The following MAP3K21 variants were observed in gnomAD, a reference collection of about 807,000 sequenced individuals.
The protein encoded by MAP3K21 is mitogen-activated protein kinase kinase kinase 21.
In MAP3K21, 63 loss-of-function variants were observed where a neutral mutation model predicts 86.1. That is an observed-to-expected ratio of 0.73 (90% CI 0.60 to 0.90). The LOEUF is 0.90. Ranked by LOEUF, MAP3K21 falls within the 40% of genes least tolerant of loss-of-function variation. The pLI is 0.00. For synonymous variants in MAP3K21, 558 were observed against 564.8 expected (o/e 0.99, Z 0.17); for missense variants, 1,220 against 1,367.7 (o/e 0.89, Z 1.70).
rs534880004 is a variant in MAP3K21 at position 233,381,044 on chromosome 1, G to A, written c.2705-1261G>A. Reference sequence around the variant, plus strand: ...ATATGGGTACTTTGGAAGAATGGGGGATTTTGAGTCATAGAACAAAGGTTC... The same window carrying A: ...ATATGGGTACTTTGGAAGAATGGGGAATTTTGAGTCATAGAACAAAGGTTC... On this transcript the variant is annotated intron_variant, in intron 9 of 9. Coordinates refer to ENST00000366624, the MANE Select transcript of MAP3K21 (RefSeq NM_032435.3). Among the ~76,000 whole-genome samples the A allele has an allele frequency of 3.2e-4, 48 of 152,290 alleles. 1 individual carries two copies. The highest frequency in any genetic ancestry group is 6.0e-4 in the Non-Finnish European group (41 of 68,026).
chr1:233,333,031 C>T (rs1276853706), intron 1 of MAP3K21, among the ~76,000 whole-genome samples: 1 of 151,854 alleles, frequency 6.6e-6, no homozygotes, highest in Non-Finnish European at 1.5e-5. Context: ...TATGAAATGC[C>T]ATTTGGAGCT....
At chr1:233,349,948 A>G (rs1038404063) in intron 2 of MAP3K21, among the ~76,000 whole-genome samples, 7 of 152,032 alleles carry the variant, frequency 4.6e-5, no homozygotes, top group Non-Finnish European at 8.8e-5. Flanking sequence ...AAAAGAAAAA[A>G]AAAAAGGCGA....
intron 6 of MAP3K21, chr1:233,372,574 T>A (rs983719898): frequency 5.3e-6 from 1 of 188,600 alleles, no homozygotes; most frequent in African/African-American, 2.3e-5. Context: ...AAATTTTTGC[T>A]TTTCAGGATT....
At chr1:233,369,471 G>A (rs1465613307) in intron 5 of MAP3K21, among the ~76,000 whole-genome samples, 1 of 152,150 alleles carries the variant, frequency 6.6e-6, no homozygotes, top group Admixed American at 6.5e-5. Flanking sequence ...AATAGGCTGA[G>A]AGCACATGTG....
intron 5 of MAP3K21, among the ~76,000 whole-genome samples, chr1:233,365,107 A>C (rs1243801799): frequency 3.9e-5 from 6 of 152,180 alleles, no homozygotes; most frequent in African/African-American, 1.4e-4. Context: ...GAAAGCAAGC[A>C]TGTGTAACTT....
chr1:233,376,498 C>T lies in MAP3K21; in HGVS notation c.1895C>T (p.Pro632Leu), dbSNP rs745749354. Residue 632 changes from proline to leucine, a missense_variant, in exon 8 of 10, where the codon CCC (proline) becomes CTC (leucine). Pro to Leu is a moderately conservative substitution (Grantham distance 98). Coordinates refer to ENST00000366624, the MANE Select transcript of MAP3K21 (RefSeq NM_032435.3). ...TTAATAAAAAATCAGAAAACCATGC[C>T]CTTGGCTTCATTGTTTGTGGACCAG... ...TILIKNQKTM[P>L]LASLFVDQPG... 8.7e-6 allele frequency: 14 copies of T among 1,613,614 alleles called. No homozygotes were observed. The highest frequency in any genetic ancestry group is 1.7e-5 in the Admixed American group (1 of 59,948).
chr1:233,378,405 G>A lies in MAP3K21; in HGVS notation c.1925-526G>A, dbSNP rs1204212111. Among the ~76,000 whole-genome samples, 5 of 152,246 alleles carry A rather than the reference G, an allele frequency of 3.3e-5. No homozygotes were observed. In the East Asian group the frequency reaches 9.7e-4, roughly 29 times the overall value. The stretch of plus-strand genomic sequence containing the variant: ...CAGAATTTCTGATTCCATAGTCTGG[G>A]GTGGGCCAATAATTTACATTTCTAC... On this transcript the variant is annotated intron_variant, in intron 8 of 9. Transcript: ENST00000366624.
chr1:233,339,262 T>C (rs866454489), intron 1 of MAP3K21, among the ~76,000 whole-genome samples: 62 of 33,320 alleles, frequency 1.9e-3, no homozygotes, highest in African/African-American at 4.0e-3. Flanking sequence ...CTTCTTCTTC[T>C]TCTTCCTCTT....
At chr1:233,335,174 G>T (rs1337180654) in intron 1 of MAP3K21, among the ~76,000 whole-genome samples, 1 of 152,036 alleles carries the variant, frequency 6.6e-6, no homozygotes, top group East Asian at 1.9e-4. Context: ...AAAAATAGAA[G>T]CACCCCAATG....
At chr1:233,349,828 T>C (rs1336679789) in intron 2 of MAP3K21, among the ~76,000 whole-genome samples, 1 of 151,870 alleles carries the variant, frequency 6.6e-6, no homozygotes, top group Non-Finnish European at 1.5e-5. Flanking sequence ...TCCCAGCTAC[T>C]TGGGAGGCTG....
intron 8 of MAP3K21, 72 bp from the exon 9 acceptor site, chr1:233,378,859 T>C (rs1042428957): frequency 4.1e-5 from 45 of 1,097,386 alleles, no homozygotes; most frequent in Non-Finnish European, 5.9e-5. Flanking sequence ...TTTAGCTTTA[T>C]TTTACAATCT....
chr1:233,336,479 T>A (rs1478945914), intron 1 of MAP3K21, among the ~76,000 whole-genome samples: 1 of 151,812 alleles, frequency 6.6e-6, no homozygotes, highest in South Asian at 2.1e-4. Flanking sequence ...AGGTGGAGGT[T>A]GTAGTGAGCT....
intron 3 of MAP3K21, 100 bp from the exon 4 acceptor site, chr1:233,354,736 T>C: frequency 1.0e-6 from 1 of 966,652 alleles, no homozygotes; most frequent in Non-Finnish European, 1.6e-6. Flanking sequence ...CAGTTTGGAA[T>C]GACAAATGTT....
intron 4 of MAP3K21, among the ~76,000 whole-genome samples, chr1:233,360,306 A>G (rs1663442241): frequency 6.6e-6 from 1 of 152,228 alleles, no homozygotes; most frequent in Non-Finnish European, 1.5e-5. Flanking sequence ...ATTTTTTAAC[A>G]TGTAACATTT....
At chr1:233,379,766 G>T in intron 9 of MAP3K21, 56 bp downstream of exon 9, 1 of 1,258,298 alleles carries the variant, frequency 7.9e-7, no homozygotes, top group Non-Finnish European at 1.1e-6. Context: ...ATTAGTATGT[G>T]AAACAGTATG....
chr1:233,363,062 C>G (rs916710320), intron 5 of MAP3K21, among the ~76,000 whole-genome samples: 2 of 152,076 alleles, frequency 1.3e-5, no homozygotes, highest in African/African-American at 2.4e-5. Flanking sequence ...CAAATACCTC[C>G]ATGGTATTTT....
At chr1:233,345,521 G>A (rs1663119099) in intron 1 of MAP3K21, among the ~76,000 whole-genome samples, 1 of 149,572 alleles carries the variant, frequency 6.7e-6, no homozygotes, top group African/African-American at 2.5e-5. Flanking sequence ...TCATAGGTGG[G>A]AATTGAACAA....
chr1:233,364,322 A>G (rs542264188), intron 5 of MAP3K21, among the ~76,000 whole-genome samples: 1 of 152,154 alleles, frequency 6.6e-6, no homozygotes, highest in Non-Finnish European at 1.5e-5. Context: ...TAGAGGAAAG[A>G]AAAATCCAGA....
intron 6 of MAP3K21, among the ~76,000 whole-genome samples, chr1:233,375,247 T>C (rs1558463183): frequency 6.6e-6 from 1 of 152,076 alleles, no homozygotes; most frequent in African/African-American, 2.4e-5. Flanking sequence ...TGGCCCCAAA[T>C]CACTTTCAAG....
Sources: allele counts gnomAD v4.1 joint callset (sites outside exome capture counted in the v4.1 genomes callset), GRCh38; gene constraint gnomAD v4.1.1; transcripts MANE v1.5; gene names NCBI Gene and HGNC (gene_info 2026-07-23, HGNC 2026-07-21).